The following PCDHGA9 variants were observed in gnomAD, a reference collection of about 807,000 sequenced individuals.
PCDHGA9 encodes the protein protocadherin gamma-A9.
Under a neutral mutation model 62.5 loss-of-function variants are expected in PCDHGA9, and 37 were observed. The ratio of observed to expected loss-of-function variants is 0.59; its 90% CI spans 0.46 to 0.78. PCDHGA9 has a LOEUF of 0.78. PCDHGA9 is among the 30% of genes least tolerant of loss of function. The probability of loss-of-function intolerance (pLI) is 0.00; values close to 1 mark genes in which losing one functional copy is unlikely to be tolerated. For missense variants in PCDHGA9, 1,138 were observed against 1,166.2 expected, an observed-to-expected ratio of 0.98 and a Z score of 0.35; for synonymous variants, 459 against 484.6, an observed-to-expected ratio of 0.95 and a Z score of 0.69.
At chr5:141,427,484 T>C (rs766997973) in intron 1 of PCDHGA9, 7 of 539,726 alleles carry the variant, frequency 1.3e-5, no homozygotes, top group Non-Finnish European at 2.5e-5. Context: ...ATAATGACTA[T>C]AAGCTTGTAA....
At chr5:141,498,826 A>G (rs1186868890) in intron 2 of PCDHGA9, among the ~76,000 whole-genome samples, 1 of 152,006 alleles carries the variant, frequency 6.6e-6, no homozygotes, top group African/African-American at 2.4e-5. Context: ...CCAGCTACTC[A>G]GGAGGCTGAG....
Position 141,409,176 on chromosome 5 carries a change from G to A in PCDHGA9, c.2424+3800G>A. On this transcript the variant is annotated intron_variant, in intron 1 of 3. Transcript: ENST00000573521. ...ATGGAAGTGGAAGCGAAGGACGGAG[G>A]TGGTCTCTCTACCCAGTGTAAAGTA... The A allele has an allele frequency of 6.2e-7, 1 of 1,614,026 alleles. No individual in the cohort carries two copies. The highest frequency in any genetic ancestry group is 8.5e-7 in the Non-Finnish European group (1 of 1,179,892).
In PCDHGA9 at chr5:141,472,816, G is replaced by A. The variant is rs1186234004; in HGVS notation, c.2425-21991G>A. On this transcript the variant is annotated intron_variant, in intron 1 of 3. Transcript: ENST00000573521. ...GCCTGACCAACATGGAGAAACCCCC[G>A]TCTCTACTAAAAATAGAAAATTAGC... 4.6e-5 allele frequency among the ~76,000 whole-genome samples: 7 copies of A among 151,374 alleles called. No individual in the cohort carries two copies. In the South Asian group the frequency reaches 6.2e-4, roughly 14 times the overall value.
intron 1 of PCDHGA9, chr5:141,415,740 G>GTTTTTTTTTTTTTTTTTTT (rs57426385): frequency 1.1e-5 from 7 of 625,046 alleles, no homozygotes; most frequent in Admixed American, 7.1e-5. Context: ...GTTTATTAAG[G>GTTTTTTTTTTTTTTTTTTT]TTTTTTTTTT....
intron 2 of PCDHGA9, among the ~76,000 whole-genome samples, chr5:141,505,177 A>T (rs917485235): frequency 6.6e-6 from 1 of 152,180 alleles, no homozygotes. Context: ...AAAAGAAAAA[A>T]GCATCGGAGG....
chr5:141,494,076 G>A (rs538740530), intron 1 of PCDHGA9, among the ~76,000 whole-genome samples: 24 of 152,234 alleles, frequency 1.6e-4, no homozygotes, highest in African/African-American at 4.3e-4. Flanking sequence ...ATCCCTCCCC[G>A]CTGCATCCCT....
chr5:141,451,523 A>G (rs1035983001), intron 1 of PCDHGA9, among the ~76,000 whole-genome samples: 1 of 152,200 alleles, frequency 6.6e-6, no homozygotes, highest in African/African-American at 2.4e-5. Flanking sequence ...AGAGCAAGTA[A>G]AGGAGAGTGC....
At chr5:141,419,803 T>C (rs2096436352) in intron 1 of PCDHGA9, 3 of 1,614,026 alleles carry the variant, frequency 1.9e-6, no homozygotes, top group Non-Finnish European at 2.5e-6. Context: ...CTGTAAGAGA[T>C]GGAGGACAGC....
chr5:141,484,230 G>A (rs1325484143), intron 1 of PCDHGA9, among the ~76,000 whole-genome samples: 2 of 152,174 alleles, frequency 1.3e-5, no homozygotes, highest in Non-Finnish European at 2.9e-5. Flanking sequence ...CAGGTAAAGA[G>A]ATCTGGTCCT....
intron 2 of PCDHGA9, among the ~76,000 whole-genome samples, chr5:141,500,189 TTTATTTATTTA>T (rs1562193895): frequency 9.9e-5 from 11 of 110,956 alleles, no homozygotes; most frequent in Middle Eastern, 4.3e-3. Flanking sequence ...TTTATTTTTA[TTTATTTATTTA>T]TTTATTTATT....
intron 2 of PCDHGA9, among the ~76,000 whole-genome samples, chr5:141,497,016 C>G (rs1384415729): frequency 6.6e-6 from 1 of 152,056 alleles, no homozygotes; most frequent in East Asian, 1.9e-4. Context: ...TGGTGAAACC[C>G]CATCTCGATT....
At chr5:141,423,367 G>A (rs1478466218) in intron 1 of PCDHGA9, 2 of 1,614,068 alleles carry the variant, frequency 1.2e-6, no homozygotes, top group Admixed American at 1.7e-5. Context: ...CGTGCTGCTG[G>A]CACTCAGGCT....
chr5:141,458,386 G>T (rs1037969327), intron 1 of PCDHGA9, among the ~76,000 whole-genome samples: 2 of 152,070 alleles, frequency 1.3e-5, no homozygotes, highest in African/African-American at 2.4e-5. Flanking sequence ...GAAGGAAGAC[G>T]CTCCCCCTTG....
At position 141,486,460 on chromosome 5, in the gene PCDHGA9, T is replaced by A. The variant is rs1218788640; in HGVS notation, c.2425-8347T>A. 6.2e-7 allele frequency: 1 copy of A among 1,614,146 alleles called. No individual in the cohort carries two copies. Among genetic ancestry groups the A allele is most frequent in the South Asian group, 1.1e-5 (1 of 91,082 alleles). On this transcript the variant is annotated intron_variant, in intron 1 of 3. Coordinates refer to ENST00000573521, the MANE Select transcript of PCDHGA9 (RefSeq NM_018921.3). The surrounding 1 kb of genome is among the most constrained non-coding windows in gnomAD (Gnocchi z 5.0). Reference sequence around the variant, plus strand: ...ATGACATCATGGTCACTGCTTCTGATGCTGGGAACCCTCCTCTCAGTACCC... The same window carrying A: ...ATGACATCATGGTCACTGCTTCTGAAGCTGGGAACCCTCCTCTCAGTACCC...
intron 1 of PCDHGA9, among the ~76,000 whole-genome samples, chr5:141,444,152 ATTTTTTTTTTTTTTTT>A (rs747671382): frequency 6.3e-3 from 214 of 33,896 alleles, no homozygotes; most frequent in African/African-American, 0.023. Flanking sequence ...TGTGTACTGG[ATTTTTTTTTTTTTTTT>A]TTTTTTTTTT....
chr5:141,447,064 C>T (rs1453083716), intron 1 of PCDHGA9, among the ~76,000 whole-genome samples: 1 of 152,064 alleles, frequency 6.6e-6, no homozygotes, highest in Non-Finnish European at 1.5e-5. Context: ...ATGTGTCAGG[C>T]TGTTTTAATT....
intron 1 of PCDHGA9, chr5:141,422,419 A>G (rs1318381358): frequency 8.7e-6 from 14 of 1,607,158 alleles, no homozygotes; most frequent in Non-Finnish European, 1.2e-5. Context: ...ATTAGAAAAG[A>G]CTTATGGAAA....
rs1372288822 is a variant in PCDHGA9, at chr5:141,404,215, G to T, written c.1263G>T (p.Thr421=). Residue 421 remains threonine (T), a synonymous_variant, in exon 1 of 4, where the codon ACG becomes ACT. Transcript: ENST00000573521. ...AAAAAGCCTCAGAATATAATATCACGGTGACTGCAACAGACAGAGGAACTC... is the reference window on the plus strand; with the variant it reads ...AAAAAGCCTCAGAATATAATATCACTGTGACTGCAACAGACAGAGGAACTC... The part of the protein sequence containing the change: ...DREKASEYNI[T]VTATDRGTPP... 9.3e-6 allele frequency: 15 copies of T among 1,613,346 alleles called. No individual in the cohort carries two copies. Among genetic ancestry groups the T allele is most frequent in the Non-Finnish European group, 1.3e-5 (15 of 1,179,650 alleles).
At position 141,476,638 on chromosome 5, in the gene PCDHGA9, G is replaced by A. The variant is rs997136356; in HGVS notation, c.2425-18169G>A. On this transcript the variant is annotated intron_variant, in intron 1 of 3. Transcript: ENST00000573521. This position sits in a 1 kb window ranked among gnomAD's most constrained non-coding sequence, Gnocchi z 7.6. ...GCAACTCTTTACAAACCTATGAGCT[G>A]AGCCGAAATGAATACTTTGCGCTTC... 1.9e-6 allele frequency: 3 copies of A among 1,614,268 alleles called. No homozygotes were observed. Among genetic ancestry groups the A allele is most frequent in the Middle Eastern group, 1.6e-4 (1 of 6,062 alleles).
Sources: gnomAD v4.1 joint callset for allele counts (sites outside exome capture counted in the v4.1 genomes callset) on GRCh38, gnomAD v4.1.1 for gene constraint, Gnocchi (gnomAD v3.1) non-coding constraint, MANE v1.5 for transcripts, NCBI Gene and HGNC (gene_info 2026-07-23, HGNC 2026-07-21) for gene names.